Variants in DYNC2H1 observed in about 807,000 individuals in gnomAD.
The protein encoded by DYNC2H1 is dynein cytoplasmic 2 heavy chain 1.
Under a neutral mutation model 570.0 loss-of-function variants are expected in DYNC2H1, and 410 were observed. That is an observed-to-expected ratio of 0.72 (90% CI 0.66 to 0.78). DYNC2H1 has a LOEUF of 0.78. DYNC2H1 is among the 30% of genes least tolerant of loss of function. The pLI, the probability that DYNC2H1 is intolerant of heterozygous loss-of-function variation, is 0.00. For missense variants in DYNC2H1, 4,865 were observed against 5,046.4 expected (o/e 0.96, Z 1.09); for synonymous variants, 1,688 against 1,677.6 (o/e 1.01, Z -0.15).
intron 83 of DYNC2H1, among the ~76,000 whole-genome samples, chr11:103,378,158 G>A (rs185267806): frequency 2.1e-4 from 32 of 152,150 alleles, no homozygotes; most frequent in African/African-American, 7.7e-4. Flanking sequence ...ATTTATAATT[G>A]TTATTAATAT....
At chr11:103,125,334 G>A (rs1402453916) in intron 12 of DYNC2H1, 39 bp downstream of exon 12, 2 of 869,522 alleles carry the variant, frequency 2.3e-6, no homozygotes, top group African/African-American at 1.8e-5. Context: ...CCTATTTGGA[G>A]TTCATTACGT....
chr11:103,283,214 A>G (rs1371180529), intron 73 of DYNC2H1, 129 bp downstream of exon 73: 1 of 588,850 alleles, frequency 1.7e-6, no homozygotes, highest in Non-Finnish European at 2.8e-6. Context: ...CCCCAGTAAA[A>G]AGTTACCAAA....
chr11:103,379,670 C>T (rs78139061), intron 83 of DYNC2H1, among the ~76,000 whole-genome samples: 4,180 of 152,210 alleles, frequency 0.027, 134 homozygotes, highest in African/African-American at 0.069. Flanking sequence ...GCCAACCTTA[C>T]GTCTAAGCTT....
At chr11:103,341,676 A>G (rs1184126248) in intron 82 of DYNC2H1, among the ~76,000 whole-genome samples, 2 of 152,176 alleles carry the variant, frequency 1.3e-5, no homozygotes, top group Admixed American at 6.5e-5. Context: ...AATGTCATCA[A>G]ATCTGTATAT....
intron 87 of DYNC2H1, among the ~76,000 whole-genome samples, chr11:103,462,222 G>A (rs1440518746): frequency 6.6e-6 from 1 of 152,010 alleles, no homozygotes; most frequent in African/African-American, 2.4e-5. Flanking sequence ...TCATCTGCTT[G>A]CTTCCTTATG....
At chr11:103,246,996 CT>C in intron 65 of DYNC2H1, among the ~76,000 whole-genome samples, 1 of 149,980 alleles carries the variant, frequency 6.7e-6, no homozygotes, top group East Asian at 2.0e-4. Context: ...CTCTCTCTCT[CT>C]CCTTTTTTTT....
chr11:103,354,877 T>C (rs940133674), intron 82 of DYNC2H1, among the ~76,000 whole-genome samples: 27 of 151,830 alleles, frequency 1.8e-4, no homozygotes, highest in Admixed American at 9.2e-4. Context: ...TTTATTCTGG[T>C]TGGGATTCTT....
chr11:103,289,976 A>C lies in DYNC2H1; in HGVS notation c.11095+2371A>C, dbSNP rs956548715. On this transcript the variant is annotated intron_variant, in intron 75 of 88. Coordinates refer to ENST00000375735, the MANE Select transcript of DYNC2H1 (RefSeq NM_001377.3). The surrounding 1 kb of genome is among the most constrained non-coding windows in gnomAD (Gnocchi z 4.2). ...CACAGATTCAAGTTGTGCAACTGCA[A>C]GCCAAGGAACACTGAAGATTTTTAG... 6.6e-6 allele frequency among the ~76,000 whole-genome samples: 1 copy of C among 152,116 alleles called. No homozygotes were observed. The highest frequency in any genetic ancestry group is 1.5e-5 in the Non-Finnish European group (1 of 68,016).
rs547939726 is a variant in DYNC2H1 at position 103,335,205 on chromosome 11, A to T, written c.12039+11215A>T. Among the ~76,000 whole-genome samples, 6 of 141,900 alleles carry T rather than the reference A, an allele frequency of 4.2e-5. No homozygotes were observed. In the South Asian group the frequency reaches 1.3e-3, roughly 31 times the overall value. 93.1% of individuals were successfully genotyped at this position (141,900 alleles called of 152,430 possible). On this transcript the variant is annotated intron_variant, in intron 82 of 88. Coordinates refer to ENST00000375735, the MANE Select transcript of DYNC2H1 (RefSeq NM_001377.3). ...TTTGTTTCTGTAGGTCAGTGTTGAC[A>T]TTTCCCTTTGAAAAAAAAGAAGAAA... is the stretch of plus-strand genomic sequence containing the variant.
intron 53 of DYNC2H1, among the ~76,000 whole-genome samples, chr11:103,211,398 A>G (rs930085481): frequency 6.6e-6 from 1 of 151,988 alleles, no homozygotes; most frequent in African/African-American, 2.4e-5. Context: ...ATGGGAGTGG[A>G]TAGGTATTTT....
chr11:103,295,467 C>T (rs1467075868), intron 75 of DYNC2H1, among the ~76,000 whole-genome samples: 1 of 152,274 alleles, frequency 6.6e-6, no homozygotes, highest in Non-Finnish European at 1.5e-5. Context: ...CCCAGCACTC[C>T]CTCAACTTAG....
chr11:103,378,353 A>G (rs1211995945), intron 83 of DYNC2H1, among the ~76,000 whole-genome samples: 2 of 152,154 alleles, frequency 1.3e-5, no homozygotes, highest in East Asian at 1.9e-4. Context: ...AAGTTCTAAC[A>G]TTGTGGGACT....
In DYNC2H1 at chr11:103,109,491, AG is replaced by A. The variant is rs1858004772; in HGVS notation, c.-83del. On this transcript the variant is annotated 5_prime_UTR_variant, in exon 1 of 89. Coordinates refer to ENST00000375735, the MANE Select transcript of DYNC2H1 (RefSeq NM_001377.3). Reference sequence around the variant, plus strand: ...GCGGTCGGGCTACGGGTTTGAGCAAAGCTCCTCTCTTCCCTTCACTTCCCTC... The same window carrying A: ...GCGGTCGGGCTACGGGTTTGAGCAAACTCCTCTCTTCCCTTCACTTCCCTC... The A allele has an allele frequency of 7.5e-7, 1 of 1,337,398 alleles. No homozygotes were observed. The allele number at this position is 1,337,398 out of a possible 1,614,324, so 82.8% of individuals were successfully genotyped here.
chr11:103,314,766 A>G (rs1443583887), intron 79 of DYNC2H1, among the ~76,000 whole-genome samples: 1 of 151,958 alleles, frequency 6.6e-6, no homozygotes, highest in Non-Finnish European at 1.5e-5. Context: ...CTCTAACAAT[A>G]GAATTGTTAG....
At chr11:103,312,082 T>A (rs770438951) in intron 79 of DYNC2H1, 49 bp downstream of exon 79, 3 of 1,558,678 alleles carry the variant, frequency 1.9e-6, no homozygotes, top group Admixed American at 2.0e-5. Context: ...TATTTTTGTA[T>A]GTTAAAATAT....
Position 103,203,020 on chromosome 11 carries a change from C to T in DYNC2H1, c.8198-643C>T, listed in dbSNP as rs1005383932. Among the ~76,000 whole-genome samples the T allele has an allele frequency of 2.6e-5, 4 of 152,068 alleles. No individual in the cohort carries two copies. The highest frequency in any genetic ancestry group is 5.9e-5 in the Non-Finnish European group (4 of 67,986). On this transcript the variant is annotated intron_variant, in intron 50 of 88. Transcript: ENST00000375735. This position sits in a 1 kb window ranked among gnomAD's most constrained non-coding sequence, Gnocchi z 4.7. Reference sequence around the variant, plus strand: ...TCTAGTACAAGTTCATCTTTTCATTCATTCATTTATGTAAAACATATTTTT... The same window carrying T: ...TCTAGTACAAGTTCATCTTTTCATTTATTCATTTATGTAAAACATATTTTT...
rs924565644 is a variant in DYNC2H1 at position 103,177,603 on chromosome 11, A to G, written c.5922A>G (p.Gly1974=). Residue 1974 remains glycine, a synonymous_variant, in exon 38 of 89, where the codon GGA becomes GGG. Transcript: ENST00000375735. The surrounding 1 kb of genome is among the most constrained non-coding windows in gnomAD (Gnocchi z 4.4). ...ATGAACAGTTATGCCAGAGGATGGG[A>G]GTTGTTATTGTTGGTCCAAGTGGTG... The part of the protein sequence containing the change: ...ELYEQLCQRM[G]VVIVGPSGAG... 1.2e-6 allele frequency: 2 copies of G among 1,613,114 alleles called. No individual in the cohort carries two copies. Among genetic ancestry groups the G allele is most frequent in the African/African-American group, 2.7e-5 (2 of 74,952 alleles).
chr11:103,227,474 A>G (rs1442928958), intron 59 of DYNC2H1, among the ~76,000 whole-genome samples: 1 of 152,100 alleles, frequency 6.6e-6, no homozygotes, highest in African/African-American at 2.4e-5. Flanking sequence ...TTTAATTTCC[A>G]CATATTTGCA....
rs764440550 is a variant in DYNC2H1 at position 103,117,677 on chromosome 11, C to A, written c.813C>A (p.Asn271Lys). ...TTCAGAAAAAGTTGGGAACTTTGAACCTGTGGGAAGATCCTTATTATCTTG... is the reference window on the plus strand; with the variant it reads ...TTCAGAAAAAGTTGGGAACTTTGAAACTGTGGGAAGATCCTTATTATCTTG... ...RFVQKKLGTL[N>K]LWEDPYYLVK... The change falls in exon 6 of 89, where the codon AAC becomes AAA. Residue 271 changes from asparagine to lysine, a missense_variant. Asn to Lys is a moderately conservative substitution (Grantham distance 94). Coordinates refer to ENST00000375735, the MANE Select transcript of DYNC2H1 (RefSeq NM_001377.3). 1.2e-6 allele frequency: 2 copies of A among 1,610,278 alleles called. No individual in the cohort carries two copies. Among genetic ancestry groups the A allele is most frequent in the Non-Finnish European group, 8.5e-7 (1 of 1,177,752 alleles).
Sources: gnomAD v4.1 joint callset for allele counts (sites outside exome capture counted in the v4.1 genomes callset) on GRCh38, gnomAD v4.1.1 for gene constraint, Gnocchi (gnomAD v3.1) non-coding constraint, MANE v1.5 for transcripts, NCBI Gene and HGNC (gene_info 2026-07-23, HGNC 2026-07-21) for gene names.